SUFU: variants seen among roughly 807,000 people sequenced by gnomAD.
SUFU encodes SUFU negative regulator of hedgehog signaling.
SUFU carries 7 observed loss-of-function variants against 58.9 expected under a neutral mutation model. The observed-to-expected ratio is 0.12, with a 90% CI of 0.07 to 0.22. The LOEUF (loss-of-function observed/expected upper bound fraction) is 0.22, where lower values mean the gene tolerates loss of function less well. Ranked by LOEUF, SUFU falls within the 10% of genes least tolerant of loss-of-function variation. The pLI is 1.00. For synonymous variants in SUFU, 232 were observed against 254.8 expected (o/e 0.91, Z 0.85); for missense variants, 451 against 641.3 (o/e 0.70, Z 3.20).
At chr10:102,620,183 C>G (rs983658988) in intron 10 of SUFU, among the ~76,000 whole-genome samples, 3 of 152,244 alleles carry the variant, frequency 2.0e-5, no homozygotes, top group Non-Finnish European at 2.9e-5. Context: ...GACTTTGTTA[C>G]AGCAGCCTTG....
intron 10 of SUFU, among the ~76,000 whole-genome samples, chr10:102,626,512 G>A (rs2135952930): frequency 6.6e-6 from 1 of 152,318 alleles, no homozygotes; most frequent in Middle Eastern, 3.4e-3. Context: ...AAGAAGGCTG[G>A]AGGAACTCAG....
At chr10:102,560,082 T>C (rs2063020242) in intron 3 of SUFU, among the ~76,000 whole-genome samples, 1 of 151,758 alleles carries the variant, frequency 6.6e-6, no homozygotes. Flanking sequence ...CTAACAGAGA[T>C]TTTTTTTTGT....
intron 2 of SUFU, among the ~76,000 whole-genome samples, chr10:102,518,065 T>A (rs568402902): frequency 6.6e-6 from 1 of 152,344 alleles, no homozygotes; most frequent in East Asian, 1.9e-4. Flanking sequence ...CTCTCTCCCC[T>A]CATCCTGTGA....
In SUFU at chr10:102,619,401, G is replaced by A. The variant is rs1054498506; in HGVS notation, c.1296+1973G>A. 46 of 1,375,960 alleles carry A rather than the reference G, an allele frequency of 3.3e-5. No homozygotes were observed. Among genetic ancestry groups the A allele is most frequent in the African/African-American group, 4.3e-5 (3 of 68,986 alleles). 85.2% of individuals were successfully genotyped at this position (1,375,960 alleles called of 1,614,324 possible). A position where few individuals can be genotyped will look rare whatever the true frequency, so the allele number is the denominator to read the frequency against. On this transcript the variant is annotated intron_variant, in intron 10 of 11. Transcript: ENST00000369902. This position sits in a 1 kb window ranked among gnomAD's most constrained non-coding sequence, Gnocchi z 4.2. ...GCTGTTGCCCAGGGAACCGGGGCGCGGTGGGAACGAGCTGCTGGCCTCGGC... is the reference window on the plus strand; with the variant it reads ...GCTGTTGCCCAGGGAACCGGGGCGCAGTGGGAACGAGCTGCTGGCCTCGGC...
intron 2 of SUFU, among the ~76,000 whole-genome samples, chr10:102,512,123 T>A (rs546345171): frequency 6.6e-6 from 1 of 152,190 alleles, no homozygotes; most frequent in African/African-American, 2.4e-5. Context: ...ATCTCTTCGC[T>A]GGTCACGTGT....
intron 3 of SUFU, among the ~76,000 whole-genome samples, chr10:102,552,583 A>AT (rs2062931115): frequency 6.6e-6 from 1 of 152,214 alleles, no homozygotes; most frequent in Admixed American, 6.5e-5. Context: ...AAAAAGGGTC[A>AT]TTTTTTAAGG....
At chr10:102,567,665 G>A (rs906204811) in intron 3 of SUFU, among the ~76,000 whole-genome samples, 3 of 152,128 alleles carry the variant, frequency 2.0e-5, no homozygotes, top group Admixed American at 6.6e-5. Flanking sequence ...GAGGGAATTC[G>A]GGTGCTTTTA....
At chr10:102,516,435 A>G (rs2062471715) in intron 2 of SUFU, among the ~76,000 whole-genome samples, 2 of 152,098 alleles carry the variant, frequency 1.3e-5, no homozygotes, top group Non-Finnish European at 2.9e-5. Context: ...TTTATAAAGC[A>G]TTTCATTTGC....
intron 2 of SUFU, among the ~76,000 whole-genome samples, chr10:102,516,126 T>TTTC (rs66766847): frequency 6.1e-3 from 22 of 3,580 alleles, no homozygotes; most frequent in African/African-American, 0.026. Context: ...CTTTCTTTTC[T>TTTC]TTTTTTTTTT....
At chr10:102,588,540 A>T (rs886123123) in intron 3 of SUFU, among the ~76,000 whole-genome samples, 120 of 152,180 alleles carry the variant, frequency 7.9e-4, no homozygotes, top group African/African-American at 2.8e-3. Context: ...CAAGTTTTGA[A>T]ATCAGGAAAA....
chr10:102,509,511 A>G (rs967205470), intron 2 of SUFU, among the ~76,000 whole-genome samples: 1 of 152,152 alleles, frequency 6.6e-6, no homozygotes, highest in African/African-American at 2.4e-5. Context: ...GATGAGCAGG[A>G]TTCCCAAATC....
intron 2 of SUFU, among the ~76,000 whole-genome samples, chr10:102,533,319 C>T (rs147843954): frequency 0.013 from 1,935 of 152,074 alleles, 28 homozygotes; most frequent in Non-Finnish European, 0.018. Context: ...CACCTGTAAT[C>T]CCAGCACCTT....
At chr10:102,581,564 C>T (rs928318925) in intron 3 of SUFU, among the ~76,000 whole-genome samples, 6 of 152,182 alleles carry the variant, frequency 3.9e-5, no homozygotes, top group African/African-American at 1.4e-4. Flanking sequence ...AGCTCCGCTG[C>T]GCAGTCCACC....
At chr10:102,582,130 C>T (rs729023) in intron 3 of SUFU, among the ~76,000 whole-genome samples, 69,004 of 152,002 alleles carry the variant, frequency 0.45, 16,066 homozygotes, top group East Asian at 0.68. Context: ...GCTTTCACAG[C>T]GCCAAGCTTC....
intron 2 of SUFU, among the ~76,000 whole-genome samples, chr10:102,528,413 T>TA (rs1257203611): frequency 2.6e-5 from 4 of 151,302 alleles, no homozygotes; most frequent in Non-Finnish European, 4.4e-5. Context: ...CTACAAATAA[T>TA]AAAAAAAATT....
chr10:102,505,502 GTGGACATCTTTGC>G (rs1204926660), intron 1 of SUFU, among the ~76,000 whole-genome samples: 4 of 152,210 alleles, frequency 2.6e-5, no homozygotes, highest in African/African-American at 9.7e-5. Context: ...GAAGGGGCAA[GTGGACATCTTTGC>G]TGGTTACCTC....
chr10:102,514,256 G>C (rs1056468594), intron 2 of SUFU, among the ~76,000 whole-genome samples: 3 of 152,124 alleles, frequency 2.0e-5, no homozygotes, highest in Non-Finnish European at 4.4e-5. Context: ...ACAGCCTGTT[G>C]AGGGTAGGGA....
intron 2 of SUFU, among the ~76,000 whole-genome samples, chr10:102,513,164 A>T (rs1485767746): frequency 6.6e-6 from 1 of 152,170 alleles, no homozygotes; most frequent in South Asian, 2.1e-4. Context: ...GATCCTGTTA[A>T]GTTTCTTGAA....
chr10:102,577,800 C>G (rs1192107107), intron 3 of SUFU, among the ~76,000 whole-genome samples: 1 of 151,264 alleles, frequency 6.6e-6, no homozygotes, highest in East Asian at 2.0e-4. Context: ...CCTGTTTGAG[C>G]CTCCTGAGTA....
Sources: gnomAD v4.1 joint callset for allele counts (sites outside exome capture counted in the v4.1 genomes callset) on GRCh38, gnomAD v4.1.1 for gene constraint, Gnocchi (gnomAD v3.1) non-coding constraint, MANE v1.5 for transcripts, NCBI Gene and HGNC (gene_info 2026-07-23, HGNC 2026-07-21) for gene names.